Variants in ZNF43 observed in about 807,000 individuals in gnomAD.
ZNF43 encodes the protein zinc finger protein 43, also known as zinc finger protein 39-like 1 (KOX 27).
A neutral mutation model predicts 68.4 loss-of-function variants in ZNF43; 44 were observed. That is an observed-to-expected ratio of 0.64 (90% CI 0.51 to 0.83). The LOEUF (loss-of-function observed/expected upper bound fraction) is 0.83, where lower values mean the gene tolerates loss of function less well. ZNF43 is among the 40% of genes least tolerant of loss of function. The pLI is 0.00. For synonymous variants in ZNF43, 308 were observed against 307.8 expected (o/e 1.00, Z -0.01); for missense variants, 896 against 933.2 (o/e 0.96, Z 0.52).
chr19:21,831,075 G>A (rs917397469), intron 1 of ZNF43, among the ~76,000 whole-genome samples: 5 of 152,054 alleles, frequency 3.3e-5, no homozygotes, highest in East Asian at 1.9e-4. Flanking sequence ...AACCCTCAAC[G>A]AACTAGGCAT....
rs144783537 is a variant in ZNF43 at position 21,842,373 on chromosome 19, C to T, written c.30+9532G>A. On this transcript the variant is annotated intron_variant, in intron 1 of 3. Coordinates refer to the ZNF43 transcript ENST00000357491. The stretch of plus-strand genomic sequence containing the variant: ...GCAGTGAGCTGAGATCGTGCCACTG[C>T]ACTCCAGCCTGGCAACAAAGTGAGA... 4.3e-3 allele frequency among the ~76,000 whole-genome samples: 640 copies of T among 148,282 alleles called. 4 individuals carry two copies. Among genetic ancestry groups the T allele is most frequent in the African/African-American group, 0.015 (609 of 40,228 alleles).
intron 1 of ZNF43, among the ~76,000 whole-genome samples, chr19:21,821,612 C>A (rs2037849703): frequency 6.6e-6 from 1 of 152,122 alleles, no homozygotes; most frequent in Non-Finnish European, 1.5e-5. Context: ...AGTATCCACA[C>A]CTTCCCATGT....
At chr19:21,830,267 CAAAAACAAAATGAAAAAA>C (rs2038357558) in intron 1 of ZNF43, among the ~76,000 whole-genome samples, 1 of 125,948 alleles carries the variant, frequency 7.9e-6, no homozygotes, top group South Asian at 2.6e-4. Context: ...GATTCTGTTT[CAAAAACAAAATGAAAAAA>C]AAAAACAAAA....
chr19:21,843,770 G>A (rs996314215), intron 1 of ZNF43, among the ~76,000 whole-genome samples: 9 of 152,002 alleles, frequency 5.9e-5, no homozygotes, highest in Admixed American at 3.3e-4. Context: ...CAACAAGAGC[G>A]AAACTCGGTC....
chr19:21,837,746 T>G (rs552157788), upstream of ZNF43: 13 of 152,346 alleles, frequency 8.5e-5, no homozygotes, highest in South Asian at 2.7e-3. Flanking sequence ...CGCCTTAGCC[T>G]CCCAAAGTGC....
At chr19:21,835,701 G>A (rs998593552) in intron 1 of ZNF43, among the ~76,000 whole-genome samples, 1 of 152,078 alleles carries the variant, frequency 6.6e-6, no homozygotes, top group South Asian at 2.1e-4. Flanking sequence ...GAAATGCCAC[G>A]GACCAAAGCT....
intron 3 of ZNF43, among the ~76,000 whole-genome samples, chr19:21,812,807 C>T (rs752326974): frequency 6.1e-4 from 92 of 151,780 alleles, no homozygotes; most frequent in Non-Finnish European, 1.1e-3. Context: ...AAAAATTAGC[C>T]GGGCATAGTG....
chr19:21,833,877 A>G (rs1359863946), intron 1 of ZNF43, among the ~76,000 whole-genome samples: 1 of 151,850 alleles, frequency 6.6e-6, no homozygotes, highest in African/African-American at 2.4e-5. Context: ...AAAATGCAAA[A>G]TTAGCCAGGC....
At chr19:21,821,200 G>A (rs2037826777) in intron 1 of ZNF43, among the ~76,000 whole-genome samples, 2 of 148,606 alleles carry the variant, frequency 1.3e-5, no homozygotes, top group Non-Finnish European at 3.0e-5. Flanking sequence ...GCTAGAGTGC[G>A]GTGGCGCGAA....
chr19:21,846,055 G>A (rs1297823943), intron 1 of ZNF43, among the ~76,000 whole-genome samples: 2 of 151,760 alleles, frequency 1.3e-5, no homozygotes, highest in East Asian at 1.9e-4. Flanking sequence ...CACAATACCC[G>A]GATAAGGAGA....
intron 1 of ZNF43, chr19:21,843,466 A>C: frequency 1.2e-6 from 1 of 823,206 alleles, no homozygotes; most frequent in Non-Finnish European, 1.5e-6. Context: ...AACAACCTCA[A>C]TCTCTTCTGC....
chr19:21,836,718 G>A (rs1401630818), upstream of ZNF43, among the ~76,000 whole-genome samples: 2 of 152,116 alleles, frequency 1.3e-5, no homozygotes, highest in African/African-American at 4.8e-5. Context: ...CTGAGTAGCT[G>A]GGACCACTGG....
At chr19:21,817,864 G>T in intron 3 of ZNF43, 24 bp downstream of exon 3, 1 of 1,597,560 alleles carries the variant, frequency 6.3e-7, no homozygotes. Flanking sequence ...TGTGTTTGTT[G>T]TATTCACTTT....
At chr19:21,841,525 G>A (rs1459317284) in intron 1 of ZNF43, 1 of 152,280 alleles carries the variant, frequency 6.6e-6, no homozygotes, top group Non-Finnish European at 1.5e-5. Context: ...GCTGAACCCA[G>A]AGATGCAACA....
At chr19:21,847,226 A>C (rs1968014959) in intron 1 of ZNF43, among the ~76,000 whole-genome samples, 1 of 152,172 alleles carries the variant, frequency 6.6e-6, no homozygotes, top group African/African-American at 2.4e-5. Context: ...TAGTTGATGA[A>C]TGCAGGGACA....
chr19:21,849,551 T>C (rs1256417450), intron 1 of ZNF43, among the ~76,000 whole-genome samples: 1 of 145,080 alleles, frequency 6.9e-6, no homozygotes, highest in South Asian at 2.2e-4. Flanking sequence ...AGCTCATGCC[T>C]GTAATCCCAA....
Position 21,807,578 on chromosome 19 carries a change from A to T in ZNF43, c.*29T>A. 1 of 1,503,468 alleles carries T rather than the reference A, an allele frequency of 6.7e-7. No homozygotes were observed. 93.1% of individuals were successfully genotyped at this position (1,503,468 alleles called of 1,614,324 possible). A position where few individuals can be genotyped will look rare whatever the true frequency, so the allele number is the denominator to read the frequency against. ...ATGTAAAGCCTTTATCACATTCTTT[A>T]CATTTCTAGAATTTCTCACCAGTAT... On this transcript the variant is annotated 3_prime_UTR_variant, in exon 4 of 4. Transcript: ENST00000354959.
At chr19:21,817,407 T>C in intron 3 of ZNF43, among the ~76,000 whole-genome samples, 2 of 152,102 alleles carry the variant, frequency 1.3e-5, no homozygotes, top group East Asian at 3.9e-4. Context: ...AACATCATAA[T>C]TCATAATTTC....
At chr19:21,821,359 G>A (rs866873499) in intron 1 of ZNF43, among the ~76,000 whole-genome samples, 5 of 151,696 alleles carry the variant, frequency 3.3e-5, no homozygotes, top group African/African-American at 7.3e-5. Context: ...CCGTGTTACC[G>A]CGCCTGGCCA....
Sources: gnomAD v4.1 joint callset for allele counts (sites outside exome capture counted in the v4.1 genomes callset) on GRCh38, gnomAD v4.1.1 for gene constraint, MANE v1.5 for transcripts, NCBI Gene and HGNC (gene_info 2026-07-23, HGNC 2026-07-21) for gene names.